SF3B1: variants seen among roughly 807,000 people sequenced by gnomAD.
SF3B1 encodes pre-mRNA processing 10.
Under a neutral mutation model 153.8 loss-of-function variants are expected in SF3B1, and 12 were observed. The ratio of observed to expected loss-of-function variants is 0.08; its 90% CI spans 0.05 to 0.13. SF3B1 has a LOEUF of 0.13. Ranked by LOEUF, SF3B1 falls within the 10% of genes least tolerant of loss-of-function variation. The pLI is 1.00. For synonymous variants in SF3B1, 498 were observed against 525.2 expected, an observed-to-expected ratio of 0.95 and a Z score of 0.71; for missense variants, 513 against 1,606.1, an observed-to-expected ratio of 0.32 and a Z score of 11.63.
In SF3B1 at chr2:197,398,111, G is replaced by T; in HGVS notation, c.3140C>A (p.Ala1047Asp). 6.2e-7 allele frequency: 1 copy of T among 1,605,858 alleles called. No individual in the cohort carries two copies. The change falls in exon 22 of 25, where the codon GCT becomes GAT. Residue 1047 changes from alanine (A) to aspartate (D), a missense_variant. Ala to Asp is a moderately radical substitution (Grantham distance 126, BLOSUM62 -2). This residue lies in a region of SF3B1 where 17 missense variants were observed against 246.2 expected (regional missense o/e 0.07). Coordinates refer to ENST00000335508, the MANE Select transcript of SF3B1 (RefSeq NM_012433.4). ...DLVGRIADRG[A>D]EYVSAREWMR... ...CCACTCTCTTGCAGATACATATTCA[G>T]CTCCCCTAATTTAAAAAATACACAT...
rs12464369 is a variant in SF3B1 at position 197,428,900 on chromosome 2, G to A, written c.29-4926C>T. Among the ~76,000 whole-genome samples the A allele has an allele frequency of 2.2e-3, 339 of 152,114 alleles. 6 individuals carry two copies. The highest frequency in any genetic ancestry group is 0.02 in the Admixed American group (311 of 15,258). On this transcript the variant is annotated intron_variant, in intron 1 of 24. Transcript: ENST00000335508. ...ACAAGAGAATCGCTTGAGTCTGGGA[G>A]GCAGAGGTTGCAGTGAGCCAAGATC...
chr2:197,416,455 C>A, intron 6 of SF3B1: 1 of 269,830 alleles, frequency 3.7e-6, no homozygotes, highest in Non-Finnish European at 6.9e-6. Context: ...GGGTGGGGCC[C>A]TAATCTAGTA....
At position 197,401,552 on chromosome 2, in the gene SF3B1, A is replaced by G. The variant is rs776117518; in HGVS notation, c.2371-27T>C. ...TAAAAGGTTAAGAAATAGTAATAAT[A>G]AATCAACTGACCTGAAATGAAGAGA... On this transcript the variant is annotated intron_variant, in intron 16 of 24. Transcript: ENST00000335508. The surrounding 1 kb of genome is among the most constrained non-coding windows in gnomAD (Gnocchi z 4.2). 2 of 1,599,406 alleles carry G rather than the reference A, an allele frequency of 1.3e-6. No individual in the cohort carries two copies. The highest frequency in any genetic ancestry group is 1.3e-5 in the African/African-American group (1 of 74,486).
At chr2:197,411,913 T>C (rs1251244811) in intron 6 of SF3B1, among the ~76,000 whole-genome samples, 6 of 151,872 alleles carry the variant, frequency 4.0e-5, no homozygotes, top group African/African-American at 7.3e-5. Flanking sequence ...CTGGCCAACA[T>C]GGCAAAAGCC....
At chr2:197,399,050 G>C (rs1416282803) in intron 20 of SF3B1, 1 of 1,298,986 alleles carries the variant, frequency 7.7e-7, no homozygotes, top group East Asian at 5.6e-5. Flanking sequence ...TACGAAGAGA[G>C]AAAAAAGGAG....
At chr2:197,423,347 T>G (rs558387565) in intron 2 of SF3B1, among the ~76,000 whole-genome samples, 2 of 146,560 alleles carry the variant, frequency 1.4e-5, no homozygotes, top group Non-Finnish European at 3.0e-5. Context: ...CACTCAAGCC[T>G]GGATGACAGG....
intron 24 of SF3B1, 146 bp from the exon 25 acceptor site, chr2:197,392,607 G>T: frequency 1.8e-6 from 1 of 567,942 alleles, no homozygotes; most frequent in Non-Finnish European, 3.0e-6. Context: ...CTGCTCTTAA[G>T]CTGCAATGGA....
Position 197,401,403 on chromosome 2 carries a change from T to C in SF3B1, c.2493A>G (p.Arg831=), listed in dbSNP as rs2084935862. 1 of 1,592,466 alleles carries C rather than the reference T, an allele frequency of 6.3e-7. No individual in the cohort carries two copies. Among genetic ancestry groups the C allele is most frequent in the Non-Finnish European group, 8.5e-7 (1 of 1,174,866 alleles). The change falls in exon 17 of 25, where the codon CGA becomes CGG. Residue 831 remains arginine (R), a synonymous_variant. Coordinates refer to ENST00000335508, the MANE Select transcript of SF3B1 (RefSeq NM_012433.4). The surrounding 1 kb of genome is among the most constrained non-coding windows in gnomAD (Gnocchi z 4.2). Reference sequence around the variant, plus strand: ...TTCTTTTACAATAAAAGCTTACCTGTCGGTAATTTCTTCTATCCAAAGCCA... The same window carrying C: ...TTCTTTTACAATAAAAGCTTACCTGCCGGTAATTTCTTCTATCCAAAGCCA... ...HRMALDRRNY[R]QLVDTTVELA...
chr2:197,402,557 A>G lies in SF3B1; in HGVS notation c.2076T>C (p.His692=). The part of the protein sequence containing the change: ...HLRSLVEIIE[H]GLVDEQQKVR... ...AGACAAAGTTACATTACAACTTACC[A>G]TGTTCAATGATTTCAACTAAACTTC... Residue 692 remains histidine (H), a splice_region_variant and synonymous_variant, in exon 14 of 25, where the codon CAT becomes CAC. Coordinates refer to ENST00000335508, the MANE Select transcript of SF3B1 (RefSeq NM_012433.4). The surrounding 1 kb of genome is among the most constrained non-coding windows in gnomAD (Gnocchi z 4.6). 5 of 1,612,000 alleles carry G rather than the reference A, an allele frequency of 3.1e-6. No homozygotes were observed. The highest frequency in any genetic ancestry group is 4.2e-6 in the Non-Finnish European group (5 of 1,178,320).
chr2:197,393,792 G>C (rs915026236), intron 23 of SF3B1, among the ~76,000 whole-genome samples: 1 of 152,156 alleles, frequency 6.6e-6, no homozygotes, highest in African/African-American at 2.4e-5. Flanking sequence ...GGAGGGCTCT[G>C]TGAAGTCTTG....
rs1305771815 is a variant in SF3B1 at position 197,398,446 on chromosome 2, G to A, written c.3134+15C>T. On this transcript the variant is annotated intron_variant, in intron 21 of 24. Coordinates refer to ENST00000335508, the MANE Select transcript of SF3B1 (RefSeq NM_012433.4). ...ATTGATACTGCTTATAAAAATGTGT[G>A]GGTAATCTGCTTACCTGTCAGCAAT... The A allele has an allele frequency of 1.7e-5, 28 of 1,611,364 alleles. No homozygotes were observed. The highest frequency in any genetic ancestry group is 2.2e-5 in the Non-Finnish European group (26 of 1,179,222).
rs374985173 is a variant in SF3B1, at chr2:197,416,642, A to G, written c.666+99T>C. On this transcript the variant is annotated intron_variant, in intron 6 of 24. Transcript: ENST00000335508. ...TCAATGTCTGTTGTTTAAGGCACCC[A>G]GTCTGTGGTATCTTGCTATGGCAAC... 1.1e-3 allele frequency: 1,117 copies of G among 1,005,372 alleles called. 23 individuals carry two copies. The South Asian group carries it at 0.019, about 17-fold the overall frequency. 62.3% of individuals were successfully genotyped at this position (1,005,372 alleles called of 1,614,324 possible). A position where few individuals can be genotyped will look rare whatever the true frequency, so the allele number is the denominator to read the frequency against.
At position 197,401,644 on chromosome 2, in the gene SF3B1, A is replaced by G; in HGVS notation, c.2370+98T>C. 1.4e-6 allele frequency: 2 copies of G among 1,473,812 alleles called. No homozygotes were observed. The highest frequency in any genetic ancestry group is 1.9e-6 in the Non-Finnish European group (2 of 1,076,012). The allele number at this position is 1,473,812 out of a possible 1,614,324, so 91.3% of individuals were successfully genotyped here. On this transcript the variant is annotated intron_variant, in intron 16 of 24. Coordinates refer to ENST00000335508, the MANE Select transcript of SF3B1 (RefSeq NM_012433.4). The surrounding 1 kb of genome is among the most constrained non-coding windows in gnomAD (Gnocchi z 4.2). ...AAAACAAATCAAACAGTATTCGTGT[A>G]ACATACAGTTTTTTTTGTTGATTTT...
At chr2:197,399,818 A>T (rs543065314) in intron 20 of SF3B1, among the ~76,000 whole-genome samples, 14 of 151,996 alleles carry the variant, frequency 9.2e-5, no homozygotes, top group Middle Eastern at 3.4e-3. Flanking sequence ...AGCTGTGACT[A>T]CTCCCACCTC....
At chr2:197,406,384 T>G (rs2084993515) in intron 9 of SF3B1, among the ~76,000 whole-genome samples, 1 of 152,230 alleles carries the variant, frequency 6.6e-6, no homozygotes. Context: ...TGATGCTATC[T>G]GTACTTTGCA....
chr2:197,395,970 A>G, intron 23 of SF3B1, 86 bp downstream of exon 23: 1 of 1,231,948 alleles, frequency 8.1e-7, no homozygotes, highest in Non-Finnish European at 1.1e-6. Context: ...TGTTACAGTA[A>G]AAAGTCATCT....
intron 1 of SF3B1, among the ~76,000 whole-genome samples, chr2:197,426,285 C>T (rs116365302): frequency 0.016 from 2,473 of 151,938 alleles, 74 homozygotes; most frequent in African/African-American, 0.056. Flanking sequence ...CCACCCCCTT[C>T]GGGCATCTTC....
At chr2:197,415,518 T>C (rs1006194965) in intron 6 of SF3B1, among the ~76,000 whole-genome samples, 27 of 152,242 alleles carry the variant, frequency 1.8e-4, no homozygotes, top group Non-Finnish European at 2.8e-4. Flanking sequence ...CCTCCCAAAA[T>C]GCTGGGATTA....
rs1391183231 is a variant in SF3B1, at chr2:197,392,954, A to C, written c.3756+18T>G. ...AAAAAAAAAAAATCACCGATTAAAA[A>C]AAAAATCTTTAACTTACCTGTAAAC... On this transcript the variant is annotated intron_variant, in intron 24 of 24. Coordinates refer to ENST00000335508, the MANE Select transcript of SF3B1 (RefSeq NM_012433.4). The C allele has an allele frequency of 1.3e-6, 2 of 1,494,828 alleles. No homozygotes were observed. The highest frequency in any genetic ancestry group is 2.8e-5 in the African/African-American group (2 of 70,722). The allele number at this position is 1,494,828 out of a possible 1,614,324, so 92.6% of individuals were successfully genotyped here.
Sources: gnomAD v4.1 joint callset for allele counts (sites outside exome capture counted in the v4.1 genomes callset) on GRCh38, gnomAD v4.1.1 for gene constraint, gnomAD v4.1.1 regional missense constraint, Gnocchi (gnomAD v3.1) non-coding constraint, MANE v1.5 for transcripts, NCBI Gene and HGNC (gene_info 2026-07-23, HGNC 2026-07-21) for gene names.